CTNNA2: variants seen among roughly 807,000 people sequenced by gnomAD.
The protein encoded by CTNNA2 is catenin alpha 2.
In CTNNA2, 42 loss-of-function variants were observed where a neutral mutation model predicts 101.0. The observed-to-expected ratio is 0.42, with a 90% CI of 0.32 to 0.54. The LOEUF is 0.54. Among genes scored for constraint, CTNNA2 ranks in the 20% least tolerant of loss-of-function variants. The probability of loss-of-function intolerance (pLI) is 0.14; values close to 1 mark genes in which losing one functional copy is unlikely to be tolerated. For synonymous variants in CTNNA2, 450 were observed against 456.4 expected, an observed-to-expected ratio of 0.99 and a Z score of 0.18; for missense variants, 871 against 1,223.1, an observed-to-expected ratio of 0.71 and a Z score of 4.29.
In CTNNA2 at chr2:79,501,415, C is replaced by A. The variant is rs577064205; in HGVS notation, c.-134-3639C>A. ...GAGTAGCTGGATCTATAGGAGTGAG[C>A]CACTGCATTCAGCTTATCTGTTGTT... is the stretch of plus-strand genomic sequence containing the variant. On this transcript the variant is annotated intron_variant, in intron 4 of 21. Coordinates refer to the CTNNA2 transcript ENST00000466387. Among the ~76,000 whole-genome samples the A allele has an allele frequency of 3.9e-5, 6 of 152,226 alleles. No homozygotes were observed. The South Asian group carries it at 1.2e-3, about 32-fold the overall frequency.
intron 4 of CTNNA2, among the ~76,000 whole-genome samples, chr2:79,862,141 G>A (rs17018036): frequency 0.035 from 5,394 of 152,254 alleles, 186 homozygotes; most frequent in East Asian, 0.18. Flanking sequence ...TATGTCAGAG[G>A]AAACAATCAC....
At chr2:79,720,818 A>C (rs1191474011) in intron 2 of CTNNA2, among the ~76,000 whole-genome samples, 1 of 152,068 alleles carries the variant, frequency 6.6e-6, no homozygotes. Context: ...TCATATCTTC[A>C]GGGAAGATAG....
At chr2:79,923,093 A>C (rs1686786016) in intron 7 of CTNNA2, among the ~76,000 whole-genome samples, 2 of 152,166 alleles carry the variant, frequency 1.3e-5, no homozygotes, top group Admixed American at 6.6e-5. Flanking sequence ...GGCAGACAGC[A>C]GCAGCCTTGT....
intron 1 of CTNNA2, among the ~76,000 whole-genome samples, chr2:79,193,278 T>C (rs1039738685): frequency 6.6e-6 from 1 of 152,206 alleles, no homozygotes; most frequent in African/African-American, 2.4e-5. Context: ...ACATGCCTCA[T>C]AATGTTTTGG....
chr2:79,732,415 C>T (rs747249184), intron 2 of CTNNA2, among the ~76,000 whole-genome samples: 8 of 152,002 alleles, frequency 5.3e-5, no homozygotes, highest in South Asian at 2.1e-4. Flanking sequence ...CTAAAAAGCA[C>T]GAGACTGGCA....
At chr2:79,604,127 A>G (rs1294929798) in intron 1 of CTNNA2, among the ~76,000 whole-genome samples, 1 of 152,218 alleles carries the variant, frequency 6.6e-6, no homozygotes, top group Non-Finnish European at 1.5e-5. Context: ...TAATAGTGTA[A>G]ACAAAACATA....
intron 7 of CTNNA2, among the ~76,000 whole-genome samples, chr2:79,971,855 C>T (rs1690507378): frequency 6.6e-6 from 1 of 152,182 alleles, no homozygotes; most frequent in Non-Finnish European, 1.5e-5. Flanking sequence ...TCAGCTGGAG[C>T]AACTCTACTG....
At chr2:80,019,300 T>C (rs1694383165) in intron 7 of CTNNA2, among the ~76,000 whole-genome samples, 1 of 152,192 alleles carries the variant, frequency 6.6e-6, no homozygotes, top group Non-Finnish European at 1.5e-5. Context: ...TTGAAACCAA[T>C]AACACAGCAA....
intron 17 of CTNNA2, 35 bp from the exon 18 acceptor site, chr2:80,619,050 C>A (rs1308955382): frequency 1.5e-6 from 2 of 1,306,344 alleles, no homozygotes; most frequent in Non-Finnish European, 2.0e-6. Context: ...TGCTCTCTCT[C>A]TCATTCTCTC....
chr2:79,210,746 A>T (rs1674160992), intron 2 of CTNNA2, among the ~76,000 whole-genome samples: 1 of 152,118 alleles, frequency 6.6e-6, no homozygotes, highest in Non-Finnish European at 1.5e-5. Flanking sequence ...GCTGCTGCTG[A>T]GCACTTGTTC....
intron 3 of CTNNA2, among the ~76,000 whole-genome samples, chr2:79,754,130 G>A: frequency 6.6e-6 from 1 of 152,080 alleles, no homozygotes; most frequent in East Asian, 1.9e-4. Context: ...GCCTCCCAAA[G>A]AGCTGTGATT....
chr2:80,339,104 G>A (rs1672001863), intron 7 of CTNNA2, among the ~76,000 whole-genome samples: 1 of 152,196 alleles, frequency 6.6e-6, no homozygotes, highest in Admixed American at 6.5e-5. Flanking sequence ...TATAGGGAGT[G>A]CTGAGGCTGA....
chr2:80,045,134 A>C (rs1199312701), intron 7 of CTNNA2, among the ~76,000 whole-genome samples: 1 of 152,168 alleles, frequency 6.6e-6, no homozygotes, highest in Non-Finnish European at 1.5e-5. Context: ...AGAATGTCCC[A>C]AGGGGGCCAG....
intron 17 of CTNNA2, among the ~76,000 whole-genome samples, chr2:80,614,162 C>T (rs1043746452): frequency 6.6e-6 from 1 of 151,294 alleles, no homozygotes; most frequent in Admixed American, 6.6e-5. Flanking sequence ...TTTTTGAAAA[C>T]TTGGAAATTG....
At chr2:79,266,312 C>T (rs76655211) in intron 2 of CTNNA2, among the ~76,000 whole-genome samples, 2,491 of 152,242 alleles carry the variant, frequency 0.016, 57 homozygotes, top group East Asian at 0.061. Flanking sequence ...GAACAAATTC[C>T]CCAACTCCTC....
intron 9 of CTNNA2, among the ~76,000 whole-genome samples, chr2:80,485,621 C>A (rs1686509808): frequency 6.6e-6 from 1 of 152,156 alleles, no homozygotes; most frequent in African/African-American, 2.4e-5. Context: ...AGAATGGAAG[C>A]AAGGTTTTAA....
chr2:80,499,458 G>T (rs1258573024), intron 9 of CTNNA2, among the ~76,000 whole-genome samples: 1 of 151,820 alleles, frequency 6.6e-6, no homozygotes, highest in East Asian at 1.9e-4. Flanking sequence ...GTGCAGACTT[G>T]TTTGTGTGGT....
At chr2:79,797,551 C>T (rs1276184718) in intron 3 of CTNNA2, among the ~76,000 whole-genome samples, 1 of 151,332 alleles carries the variant, frequency 6.6e-6, no homozygotes, top group Non-Finnish European at 1.5e-5. Context: ...TCCCAGCTTA[C>T]TCAGGAGGCT....
At chr2:79,281,161 T>C (rs1675369699) in intron 2 of CTNNA2, among the ~76,000 whole-genome samples, 1 of 152,084 alleles carries the variant, frequency 6.6e-6, no homozygotes, top group Non-Finnish European at 1.5e-5. Context: ...TACATGATCA[T>C]AGGCAGTCTT....
Sources: gnomAD v4.1 joint callset for allele counts (sites outside exome capture counted in the v4.1 genomes callset) on GRCh38, gnomAD v4.1.1 for gene constraint, MANE v1.5 for transcripts, NCBI Gene and HGNC (gene_info 2026-07-23, HGNC 2026-07-21) for gene names.